The following ADAMTS17 variants were observed in gnomAD, a reference collection of about 807,000 sequenced individuals.
ADAMTS17 encodes ADAM metallopeptidase with thrombospondin type 1 motif 17.
A neutral mutation model predicts 141.5 loss-of-function variants in ADAMTS17; 113 were observed. The observed-to-expected ratio is 0.80, with a 90% CI of 0.69 to 0.93. ADAMTS17 has a LOEUF of 0.93. Ranked by LOEUF, ADAMTS17 falls within the 40% of genes least tolerant of loss-of-function variation. ADAMTS17 has a pLI of 0.00. For synonymous variants in ADAMTS17, 768 were observed against 630.6 expected, an observed-to-expected ratio of 1.22 and a Z score of -3.27; for missense variants, 1,659 against 1,517.9, an observed-to-expected ratio of 1.09 and a Z score of -1.54.
intron 8 of ADAMTS17, among the ~76,000 whole-genome samples, chr15:100,165,715 A>G (rs1022678891): frequency 2.0e-5 from 3 of 152,188 alleles, no homozygotes; most frequent in Non-Finnish European, 4.4e-5. Flanking sequence ...AATTGTGAAG[A>G]TGTTTAGAAT....
intron 3 of ADAMTS17, among the ~76,000 whole-genome samples, chr15:100,315,550 A>G (rs1006040263): frequency 6.6e-6 from 1 of 152,214 alleles, no homozygotes; most frequent in African/African-American, 2.4e-5. Flanking sequence ...TAAATGCAGA[A>G]GCCTGCCAGC....
At chr15:100,025,608 T>C (rs1462049483) in intron 18 of ADAMTS17, among the ~76,000 whole-genome samples, 1 of 152,032 alleles carries the variant, frequency 6.6e-6, no homozygotes, top group Non-Finnish European at 1.5e-5. Context: ...GAGACAGGGT[T>C]TCACCACATT....
intron 15 of ADAMTS17, among the ~76,000 whole-genome samples, chr15:100,059,459 G>C (rs1026889714): frequency 2.0e-5 from 3 of 152,170 alleles, no homozygotes; most frequent in Admixed American, 2.0e-4. Context: ...AGGCATAGGG[G>C]TTACTTCCAA....
intron 8 of ADAMTS17, among the ~76,000 whole-genome samples, chr15:100,159,742 C>T (rs2039602277): frequency 6.6e-6 from 1 of 152,246 alleles, no homozygotes; most frequent in African/African-American, 2.4e-5. Context: ...AGGGTCACAA[C>T]TCACAGACCC....
intron 8 of ADAMTS17, among the ~76,000 whole-genome samples, chr15:100,188,943 C>T (rs559616800): frequency 4.5e-4 from 68 of 152,326 alleles, no homozygotes; most frequent in African/African-American, 1.6e-3. Flanking sequence ...TTTAACCCAC[C>T]AAGTTATATA....
At chr15:100,324,283 T>C (rs2045830388) in intron 3 of ADAMTS17, among the ~76,000 whole-genome samples, 1 of 151,986 alleles carries the variant, frequency 6.6e-6, no homozygotes, top group Non-Finnish European at 1.5e-5. Context: ...CTAGCCAGGG[T>C]GACAGAGTGA....
chr15:100,003,317 A>C (rs1227013242), intron 18 of ADAMTS17, among the ~76,000 whole-genome samples: 1 of 152,006 alleles, frequency 6.6e-6, no homozygotes, highest in Non-Finnish European at 1.5e-5. Flanking sequence ...CCACATAACC[A>C]GCCGGATCAG....
At chr15:100,108,322 C>T (rs1475573628) in intron 14 of ADAMTS17, among the ~76,000 whole-genome samples, 1 of 152,148 alleles carries the variant, frequency 6.6e-6, no homozygotes, top group East Asian at 1.9e-4. Flanking sequence ...CAAGCGCATG[C>T]CACCATGCCC....
chr15:100,140,401 A>G (rs2038567627), intron 10 of ADAMTS17, among the ~76,000 whole-genome samples: 1 of 151,640 alleles, frequency 6.6e-6, no homozygotes, highest in Non-Finnish European at 1.5e-5. Flanking sequence ...AAAATAACAC[A>G]ATTTTTTAAA....
intron 4 of ADAMTS17, 106 bp downstream of exon 4, chr15:100,281,123 C>T (rs2044265390): frequency 6.7e-7 from 1 of 1,488,734 alleles, no homozygotes; most frequent in Non-Finnish European, 9.1e-7. Flanking sequence ...ATCCCCAACC[C>T]AGCGTCTTCC....
At chr15:100,076,196 C>T (rs182877907) in intron 15 of ADAMTS17, among the ~76,000 whole-genome samples, 32 of 152,242 alleles carry the variant, frequency 2.1e-4, no homozygotes, top group African/African-American at 7.7e-4. Context: ...GCGCCCACCA[C>T]CATGCACAGC....
At chr15:100,306,675 T>C (rs1596486923) in intron 3 of ADAMTS17, 1 of 429,476 alleles carries the variant, frequency 2.3e-6, no homozygotes, top group Non-Finnish European at 4.7e-6. Context: ...AGCTTTGGGG[T>C]AGCTCATCGT....
chr15:100,272,572 C>T (rs1025448592), intron 4 of ADAMTS17, among the ~76,000 whole-genome samples: 2 of 77,598 alleles, frequency 2.6e-5, no homozygotes, highest in African/African-American at 1.0e-4. Context: ...TTAGCATTCT[C>T]TCTGTCTCTC....
Position 100,101,051 on chromosome 15 carries a change from A to G in ADAMTS17, c.2017-4575T>C, listed in dbSNP as rs192403198. On this transcript the variant is annotated intron_variant, in intron 14 of 21. Coordinates refer to ENST00000268070, the MANE Select transcript of ADAMTS17 (RefSeq NM_139057.4). ...AAGATCGCTTCACTCCTCTGCATCA[A>G]TTCTGCCTGGGCCCTGGCTCCTTTG... 3.3e-5 allele frequency among the ~76,000 whole-genome samples: 5 copies of G among 152,264 alleles called. No individual in the cohort carries two copies. The East Asian group carries it at 9.7e-4, about 29-fold the overall frequency.
rs185183406 is a variant in ADAMTS17 at position 100,296,660 on chromosome 15, C to T, written c.617-15259G>A. Among the ~76,000 whole-genome samples the T allele has an allele frequency of 2.2e-3, 338 of 151,870 alleles. 2 individuals carry two copies. Among genetic ancestry groups the T allele is most frequent in the African/African-American group, 7.8e-3 (324 of 41,408 alleles). On this transcript the variant is annotated intron_variant, in intron 3 of 21. Coordinates refer to ENST00000268070, the MANE Select transcript of ADAMTS17 (RefSeq NM_139057.4). ...GCATTTACGATATATGATTAAGATC[C>T]CAAATGAAAACAGACCTGATGAAAT...
At chr15:100,309,591 T>C (rs2045338207) in intron 3 of ADAMTS17, among the ~76,000 whole-genome samples, 1 of 152,178 alleles carries the variant, frequency 6.6e-6, no homozygotes, top group Non-Finnish European at 1.5e-5. Context: ...TTCTTGAGAT[T>C]TCTGAAGCCT....
At chr15:100,172,582 C>T (rs760105689) in intron 8 of ADAMTS17, among the ~76,000 whole-genome samples, 1 of 152,170 alleles carries the variant, frequency 6.6e-6, no homozygotes, top group Non-Finnish European at 1.5e-5. Flanking sequence ...ACCTAAGTCA[C>T]CTTTAGTTAC....
intron 18 of ADAMTS17, among the ~76,000 whole-genome samples, chr15:100,029,993 G>A (rs904343851): frequency 2.0e-5 from 3 of 152,194 alleles, no homozygotes; most frequent in African/African-American, 7.2e-5. Flanking sequence ...GGGGATTTCA[G>A]CACAGTAGAG....
intron 13 of ADAMTS17, among the ~76,000 whole-genome samples, chr15:100,110,199 A>ATG (rs139689447): frequency 6.9e-5 from 10 of 144,206 alleles, no homozygotes; most frequent in African/African-American, 2.6e-4. Context: ...ACTGATATAT[A>ATG]TATATCAGTA....
Sources: gnomAD v4.1 joint callset for allele counts (sites outside exome capture counted in the v4.1 genomes callset) on GRCh38, gnomAD v4.1.1 for gene constraint, MANE v1.5 for transcripts, NCBI Gene and HGNC (gene_info 2026-07-23, HGNC 2026-07-21) for gene names.